Variants in TUB observed in about 807,000 individuals in gnomAD.
TUB encodes the protein TUB bipartite transcription factor, also known as tubby protein homolog.
A neutral mutation model predicts 59.7 loss-of-function variants in TUB; 33 were observed. The observed-to-expected ratio is 0.55, with a 90% CI of 0.42 to 0.74. TUB has a LOEUF of 0.74. TUB is among the 30% of genes least tolerant of loss of function. TUB has a pLI of 0.00. For missense variants in TUB, 659 were observed against 672.0 expected (o/e 0.98, Z 0.21); for synonymous variants, 293 against 256.4 (o/e 1.14, Z -1.36).
rs762481527 is a variant in TUB at position 8,101,482 on chromosome 11, C to G, written c.1388-4C>G. 1 of 1,614,066 alleles carries G rather than the reference C, an allele frequency of 6.2e-7. No homozygotes were observed. The highest frequency in any genetic ancestry group is 8.5e-7 in the Non-Finnish European group (1 of 1,180,032). ...TCTCTGTCTGTGCCTGTGCTTGGCC[C>G]CAGCGGACTACATCGTGATGCAGTT... On this transcript the variant is annotated splice_polypyrimidine_tract_variant and splice_region_variant and intron_variant, in intron 11 of 11. Coordinates refer to ENST00000299506, the MANE Select transcript of TUB (RefSeq NM_177972.3).
chr11:8,101,856 G>GTTTCGGCGA lies in TUB; in HGVS notation c.*237_*238insTTTCGGCGA. 3 of 482,856 alleles carry GTTTCGGCGA rather than the reference G, an allele frequency of 6.2e-6. No individual in the cohort carries two copies. Among genetic ancestry groups the GTTTCGGCGA allele is most frequent in the African/African-American group, 4.8e-5 (2 of 41,490 alleles). 29.9% of individuals were successfully genotyped at this position (482,856 alleles called of 1,614,324 possible). ...AAGGGATGAGAATAATTCTTTCCAT[G>GTTTCGGCGA]CCACGAGATCAACACACACTCCCAC... On this transcript the variant is annotated 3_prime_UTR_variant, in exon 12 of 12. Coordinates refer to ENST00000299506, the MANE Select transcript of TUB (RefSeq NM_177972.3).
intron 2 of TUB, among the ~76,000 whole-genome samples, chr11:8,061,609 G>A (rs75112865): frequency 1.3e-5 from 2 of 152,068 alleles, no homozygotes; most frequent in African/African-American, 2.4e-5. Flanking sequence ...GCTCAGAGGG[G>A]ACAGAGATCT....
At chr11:8,065,219 G>T (rs533642681) in intron 2 of TUB, among the ~76,000 whole-genome samples, 1 of 152,184 alleles carries the variant, frequency 6.6e-6, no homozygotes, top group Admixed American at 6.5e-5. Flanking sequence ...GGTAGCAGGT[G>T]TCTTGGGCCC....
At chr11:8,029,071 T>C (rs974615891) in intron 1 of TUB, among the ~76,000 whole-genome samples, 1 of 151,902 alleles carries the variant, frequency 6.6e-6, no homozygotes, top group Non-Finnish European at 1.5e-5. Context: ...AATGTATGGG[T>C]TTATTTCTGG....
At chr11:8,094,261 T>C in intron 4 of TUB, 72 bp downstream of exon 4, 4 of 1,503,008 alleles carry the variant, frequency 2.7e-6, no homozygotes, top group East Asian at 2.4e-5. Context: ...AGGTTTGTCC[T>C]CCTGACTTGG....
At chr11:8,031,837 C>T (rs1005589779) in intron 1 of TUB, among the ~76,000 whole-genome samples, 5 of 152,190 alleles carry the variant, frequency 3.3e-5, no homozygotes, top group South Asian at 2.1e-4. Context: ...GGGCAGGGGT[C>T]GATTCCAGTC....
intron 1 of TUB, among the ~76,000 whole-genome samples, chr11:8,024,686 G>T (rs905150542): frequency 2.6e-5 from 4 of 152,114 alleles, no homozygotes; most frequent in Admixed American, 6.5e-5. Context: ...CTCCCCTCAT[G>T]TTTGATTATT....
At chr11:8,022,853 C>A (rs1028937395) in intron 1 of TUB, among the ~76,000 whole-genome samples, 2 of 152,130 alleles carry the variant, frequency 1.3e-5, no homozygotes, top group Admixed American at 6.5e-5. Flanking sequence ...GGAGATCGTG[C>A]CACTGCACTC....
intron 2 of TUB, among the ~76,000 whole-genome samples, chr11:8,052,993 A>G (rs1942956608): frequency 6.6e-6 from 1 of 152,228 alleles, no homozygotes; most frequent in African/African-American, 2.4e-5. Context: ...AAAATAAATT[A>G]TTGCATTGGC....
chr11:8,081,308 C>A lies in TUB; in HGVS notation c.-203C>A, dbSNP rs1206472417. 1.1e-4 allele frequency: 101 copies of A among 940,992 alleles called. No homozygotes were observed. The highest frequency in any genetic ancestry group is 1.3e-4 in the Non-Finnish European group (100 of 789,684). 58.3% of individuals were successfully genotyped at this position (940,992 alleles called of 1,614,324 possible). ...CGCGCACTCCCGGAGCTTCGCCCAT[C>A]TCGCCTCGCCGCGCCGCGCAGGCAG... On this transcript the variant is annotated 5_prime_UTR_variant, in exon 1 of 12. Coordinates refer to ENST00000299506, the MANE Select transcript of TUB (RefSeq NM_177972.3).
At chr11:8,083,936 G>T (rs1324417643) in intron 1 of TUB, among the ~76,000 whole-genome samples, 1 of 152,168 alleles carries the variant, frequency 6.6e-6, no homozygotes. Flanking sequence ...GATTCAAATT[G>T]CCTCTTGCAT....
intron 2 of TUB, among the ~76,000 whole-genome samples, chr11:8,049,424 C>T (rs766102840): frequency 6.6e-6 from 1 of 152,092 alleles, no homozygotes; most frequent in African/African-American, 2.4e-5. Flanking sequence ...CCAGGTGATT[C>T]TGATGTCCAG....
intron 2 of TUB, among the ~76,000 whole-genome samples, chr11:8,039,885 A>T (rs1401414949): frequency 1.3e-5 from 2 of 152,070 alleles, no homozygotes; most frequent in African/African-American, 4.8e-5. Flanking sequence ...GTGTGTGACT[A>T]TTGTGGCCTT....
chr11:8,032,683 CTCCCGCACA>C (rs1327442630), intron 1 of TUB, among the ~76,000 whole-genome samples: 1 of 116,736 alleles, frequency 8.6e-6, no homozygotes, highest in Non-Finnish European at 2.1e-5. Flanking sequence ...CCCTTTGCAC[CTCCCGCACA>C]TCTGGCTCAC....
chr11:8,050,447 TC>T (rs1281429748), intron 2 of TUB, among the ~76,000 whole-genome samples: 7 of 152,226 alleles, frequency 4.6e-5, no homozygotes, highest in African/African-American at 1.7e-4. Flanking sequence ...AATATATGAA[TC>T]CCAGCTGTCC....
At chr11:8,060,393 A>T (rs61879615) in intron 2 of TUB, among the ~76,000 whole-genome samples, 1 of 151,900 alleles carries the variant, frequency 6.6e-6, no homozygotes, top group Non-Finnish European at 1.5e-5. Flanking sequence ...GTTGCTGGCC[A>T]CCTCTGACTT....
Position 8,104,069 on chromosome 11 carries a change from C to T in TUB, c.*2450C>T, listed in dbSNP as rs1340634667. 6.6e-6 allele frequency: 1 copy of T among 152,254 alleles called. No homozygotes were observed. The highest frequency in any genetic ancestry group is 1.5e-5 in the Non-Finnish European group (1 of 68,078). The allele number at this position is 152,254 out of a possible 1,614,324, so 9.4% of individuals were successfully genotyped here. A position where few individuals can be genotyped will look rare whatever the true frequency, so the allele number is the denominator to read the frequency against. On this transcript the variant is annotated 3_prime_UTR_variant, in exon 12 of 12. Coordinates refer to ENST00000299506, the MANE Select transcript of TUB (RefSeq NM_177972.3). ...GTGCACTCCTGGTGATCCTGGTTTTCCTTGACCACTGGCCCTGGGGCCATG... is the reference window on the plus strand; with the variant it reads ...GTGCACTCCTGGTGATCCTGGTTTTTCTTGACCACTGGCCCTGGGGCCATG...
intron 10 of TUB, 94 bp from the exon 11 acceptor site, chr11:8,100,730 GAA>G: frequency 6.4e-7 from 1 of 1,570,132 alleles, no homozygotes; most frequent in African/African-American, 1.4e-5. Flanking sequence ...GAGGTCTAGG[GAA>G]ATCCAAGGAC....
At position 8,039,584 on chromosome 11, in the gene TUB, G is replaced by T. The variant is rs1942708989; in HGVS notation, c.156-61G>T. ...GTGACCAGGTGTGGCCAGGCAGCAG[G>T]CAGGGATGATGAGGTGAGGCTGCAA... On this transcript the variant is annotated intron_variant, in intron 1 of 12. Transcript: ENST00000305253. 8.0e-6 allele frequency: 11 copies of T among 1,378,948 alleles called. No individual in the cohort carries two copies. The South Asian group carries it at 1.9e-4, about 24-fold the overall frequency. 85.4% of individuals were successfully genotyped at this position (1,378,948 alleles called of 1,614,324 possible).
Sources: allele counts gnomAD v4.1 joint callset (sites outside exome capture counted in the v4.1 genomes callset), GRCh38; gene constraint gnomAD v4.1.1; transcripts MANE v1.5; gene names NCBI Gene and HGNC (gene_info 2026-07-23, HGNC 2026-07-21).